The following UST variants were observed in gnomAD, a reference collection of about 807,000 sequenced individuals.
UST encodes uronyl 2-sulfotransferase.
UST carries 21 observed loss-of-function variants against 45.6 expected under a neutral mutation model. The observed-to-expected ratio is 0.46, with a 90% CI of 0.33 to 0.66. UST has a LOEUF of 0.66. Ranked by LOEUF, UST falls within the 30% of genes least tolerant of loss-of-function variation. UST has a pLI of 0.02. For synonymous variants in UST, 215 were observed against 200.6 expected (o/e 1.07, Z -0.61); for missense variants, 463 against 512.4 (o/e 0.90, Z 0.93).
intron 2 of UST, among the ~76,000 whole-genome samples, chr6:148,894,891 C>CA (rs1017289192): frequency 7.3e-6 from 1 of 137,356 alleles, no homozygotes; most frequent in Non-Finnish European, 1.5e-5. Flanking sequence ...GATCTTGGCT[C>CA]ACTGCAACCT....
Position 148,953,914 on chromosome 6 carries a change from T to C in UST, c.490T>C (p.Leu164=), listed in dbSNP as rs1465082895. 1 of 1,609,804 alleles carries C rather than the reference T, an allele frequency of 6.2e-7. No homozygotes were observed. Among genetic ancestry groups the C allele is most frequent in the Admixed American group, 1.7e-5 (1 of 59,198 alleles). The change falls in exon 4 of 8, where the codon TTA becomes CTA. Residue 164 remains leucine, a synonymous_variant. Transcript: ENST00000367463. ...KNISTAEQPY[L]FTRHVHFLNF... ...TATAAGTACTGCCGAACAACCCTAT[T>C]TATTCACTCGACATGTTCATTTCCT...
At chr6:148,793,778 A>G (rs896969628) in intron 1 of UST, among the ~76,000 whole-genome samples, 1 of 152,144 alleles carries the variant, frequency 6.6e-6, no homozygotes, top group Non-Finnish European at 1.5e-5. Context: ...TCTGCTCAAC[A>G]TTATATTTGT....
chr6:149,017,067 A>G (rs1409972544), intron 5 of UST, among the ~76,000 whole-genome samples: 2 of 152,222 alleles, frequency 1.3e-5, no homozygotes, highest in African/African-American at 4.8e-5. Flanking sequence ...AAATCTCTGT[A>G]CAGTTTTCTC....
At chr6:149,017,765 A>C (rs1775924408) in intron 5 of UST, among the ~76,000 whole-genome samples, 1 of 151,124 alleles carries the variant, frequency 6.6e-6, no homozygotes, top group Non-Finnish European at 1.5e-5. Context: ...TTGTTGTAAT[A>C]AATAAACTCA....
chr6:148,802,622 T>C (rs1272025050), intron 1 of UST, among the ~76,000 whole-genome samples: 1 of 152,220 alleles, frequency 6.6e-6, no homozygotes, highest in Non-Finnish European at 1.5e-5. Flanking sequence ...ATATACACTC[T>C]CTTGGCTCTT....
chr6:149,028,294 G>A (rs1217391581), intron 7 of UST, among the ~76,000 whole-genome samples: 1 of 152,132 alleles, frequency 6.6e-6, no homozygotes, highest in Non-Finnish European at 1.5e-5. Flanking sequence ...ATAATCTTAT[G>A]TACTTCATAG....
At chr6:148,892,788 A>G (rs1779044777) in intron 2 of UST, among the ~76,000 whole-genome samples, 1 of 152,124 alleles carries the variant, frequency 6.6e-6, no homozygotes, top group South Asian at 2.1e-4. Flanking sequence ...TTTGGGAATA[A>G]TTGATATATA....
At chr6:148,809,481 G>A (rs1413704539) in intron 1 of UST, among the ~76,000 whole-genome samples, 1 of 152,134 alleles carries the variant, frequency 6.6e-6, no homozygotes, top group Non-Finnish European at 1.5e-5. Flanking sequence ...ACTCTAACGT[G>A]CTCAAAAAAT....
At chr6:149,056,117 C>CTTTTTTTTTTTTTTTT (rs34191810) in intron 7 of UST, among the ~76,000 whole-genome samples, 25 of 81,070 alleles carry the variant, frequency 3.1e-4, no homozygotes, top group African/African-American at 7.2e-4. Flanking sequence ...CTTTTCTTTT[C>CTTTTTTTTTTTTTTTT]TTTTTTTTTT....
At chr6:148,923,506 T>A (rs963125222) in intron 2 of UST, among the ~76,000 whole-genome samples, 6 of 152,232 alleles carry the variant, frequency 3.9e-5, no homozygotes, top group African/African-American at 1.4e-4. Flanking sequence ...TTGTGATTAC[T>A]CCATGTTTTT....
At chr6:148,766,471 C>T (rs1481873639) in intron 1 of UST, among the ~76,000 whole-genome samples, 2 of 152,214 alleles carry the variant, frequency 1.3e-5, no homozygotes, top group African/African-American at 4.8e-5. Flanking sequence ...ATTCCTTCAA[C>T]AAATGCTCAT....
At chr6:148,961,735 G>T (rs773846017) in intron 4 of UST, among the ~76,000 whole-genome samples, 1 of 152,240 alleles carries the variant, frequency 6.6e-6, no homozygotes, top group Non-Finnish European at 1.5e-5. Context: ...GTATGGGATG[G>T]TAGGGTACAA....
chr6:148,917,958 T>C (rs1304047365), intron 2 of UST, among the ~76,000 whole-genome samples: 1 of 152,198 alleles, frequency 6.6e-6, no homozygotes, highest in African/African-American at 2.4e-5. Context: ...TCTTGCTTGA[T>C]ACTCTATACT....
intron 1 of UST, among the ~76,000 whole-genome samples, chr6:148,856,009 G>GGTTTT (rs78775344): frequency 0.22 from 32,803 of 151,560 alleles, 3,807 homozygotes; most frequent in East Asian, 0.39. Context: ...AAAAATATGG[G>GGTTTT]GTTTTGTTTT....
chr6:149,033,570 G>A (rs571523427), intron 7 of UST, among the ~76,000 whole-genome samples: 7 of 152,246 alleles, frequency 4.6e-5, no homozygotes, highest in African/African-American at 1.4e-4. Flanking sequence ...TAGTAAGCAC[G>A]TTCATTTCAT....
At chr6:149,029,405 TA>T (rs1258735932) in intron 7 of UST, among the ~76,000 whole-genome samples, 1 of 140,774 alleles carries the variant, frequency 7.1e-6, no homozygotes, top group East Asian at 2.0e-4. Context: ...ATATTATATA[TA>T]AAATATATAC....
At chr6:148,784,691 T>G (rs1776705751) in intron 1 of UST, among the ~76,000 whole-genome samples, 1 of 152,250 alleles carries the variant, frequency 6.6e-6, no homozygotes, top group Non-Finnish European at 1.5e-5. Context: ...GTGCCTGCGA[T>G]ATGATAAAAG....
chr6:148,989,412 T>C (rs1216228011), intron 5 of UST, among the ~76,000 whole-genome samples: 1 of 152,316 alleles, frequency 6.6e-6, no homozygotes, highest in East Asian at 1.9e-4. Flanking sequence ...ATTAGCATGT[T>C]ACCAACACTT....
At chr6:149,018,520 T>A (rs960094669) in intron 5 of UST, among the ~76,000 whole-genome samples, 1 of 152,162 alleles carries the variant, frequency 6.6e-6, no homozygotes, top group African/African-American at 2.4e-5. Context: ...CAAGCTCTGG[T>A]AACGCCCTCA....
Sources: gnomAD v4.1 joint callset for allele counts (sites outside exome capture counted in the v4.1 genomes callset) on GRCh38, gnomAD v4.1.1 for gene constraint, MANE v1.5 for transcripts, NCBI Gene and HGNC (gene_info 2026-07-23, HGNC 2026-07-21) for gene names.